NEMP2: variants seen among roughly 807,000 people sequenced by gnomAD.
NEMP2 encodes nuclear envelope integral membrane protein 2, also known as UPF0571 transmembrane protein.
NEMP2 carries 53 observed loss-of-function variants against 54.2 expected under a neutral mutation model. The observed-to-expected ratio is 0.98, with a 90% CI of 0.78 to 1.23. The LOEUF (loss-of-function observed/expected upper bound fraction) is 1.23, where lower values mean the gene tolerates loss of function less well. Among genes scored for constraint, NEMP2 ranks in the 50% most tolerant of loss-of-function variants. The pLI is 0.00. For synonymous variants in NEMP2, 197 were observed against 190.3 expected, an observed-to-expected ratio of 1.04 and a Z score of -0.29; for missense variants, 455 against 511.3, an observed-to-expected ratio of 0.89 and a Z score of 1.06.
At chr2:190,572,390 GT>G in the NEMP2 span, among the ~76,000 whole-genome samples, 3 of 152,042 alleles carry the variant, frequency 2.0e-5, no homozygotes, top group African/African-American at 4.8e-5. Flanking sequence ...GCCTCAACAA[GT>G]TTTTTTCTGG....
At chr2:190,537,013 G>A (rs1438824026), upstream of NEMP2, among the ~76,000 whole-genome samples, 2 of 152,156 alleles carry the variant, frequency 1.3e-5, no homozygotes, top group African/African-American at 4.8e-5. Context: ...AAAAAGCAGA[G>A]AGGAGAAAAA....
the NEMP2 span, among the ~76,000 whole-genome samples, chr2:190,429,121 G>T: frequency 6.6e-6 from 1 of 151,824 alleles, no homozygotes; most frequent in Non-Finnish European, 1.5e-5. Context: ...GCCTATTCAA[G>T]CTTTTTGCTT....
chr2:190,579,511 T>C, the NEMP2 span, among the ~76,000 whole-genome samples: 1 of 152,158 alleles, frequency 6.6e-6, no homozygotes, highest in African/African-American at 2.4e-5. Context: ...ATGTTATGAT[T>C]CTAGGACTAT....
the NEMP2 span, among the ~76,000 whole-genome samples, chr2:190,492,715 G>A: frequency 6.6e-6 from 1 of 151,982 alleles, no homozygotes; most frequent in African/African-American, 2.4e-5. This position sits in a 1 kb window ranked among gnomAD's most constrained non-coding sequence, Gnocchi z 5.2. Flanking sequence ...CATAAATAAA[G>A]GAAAGATACA....
At chr2:190,621,112 T>C in the NEMP2 span, among the ~76,000 whole-genome samples, 8 of 152,350 alleles carry the variant, frequency 5.3e-5, no homozygotes, top group African/African-American at 1.9e-4. Flanking sequence ...AAAGAAGATC[T>C]ACATATAGTC....
At chr2:190,593,795 C>T in the NEMP2 span, among the ~76,000 whole-genome samples, 2 of 152,140 alleles carry the variant, frequency 1.3e-5, no homozygotes, top group African/African-American at 4.8e-5. This position sits in a 1 kb window ranked among gnomAD's most constrained non-coding sequence, Gnocchi z 4.5. Context: ...GGTATTTTTC[C>T]AATTTTAAAG....
At chr2:190,503,510 G>A (rs777246246), downstream of NEMP2, among the ~76,000 whole-genome samples, 2 of 152,166 alleles carry the variant, frequency 1.3e-5, no homozygotes, top group Non-Finnish European at 2.9e-5. This position sits in a 1 kb window ranked among gnomAD's most constrained non-coding sequence, Gnocchi z 6.3. Context: ...AGATCCTTTC[G>A]GGAGATCTCT....
chr2:190,586,915 G>A, the NEMP2 span, among the ~76,000 whole-genome samples: 1 of 152,152 alleles, frequency 6.6e-6, no homozygotes, highest in African/African-American at 2.4e-5. The surrounding 1 kb of genome is among the most constrained non-coding windows in gnomAD (Gnocchi z 4.5). Context: ...TCCTGAGGTA[G>A]AAATTTTCGG....
chr2:190,640,163 T>C, the NEMP2 span, among the ~76,000 whole-genome samples: 1 of 152,196 alleles, frequency 6.6e-6, no homozygotes. Context: ...TATTCCATCA[T>C]ATAGATATCT....
rs568692644 is a variant in NEMP2, at chr2:190,534,552, G to C, written c.97+7C>G. 3.4e-5 allele frequency: 47 copies of C among 1,402,458 alleles called. No individual in the cohort carries two copies. The African/African-American group carries it at 6.2e-4, about 18-fold the overall frequency. The allele number at this position is 1,402,458 out of a possible 1,614,324, so 86.9% of individuals were successfully genotyped here. Reference sequence around the variant, plus strand: ...CGCGCGCGCCGCCGCCGCCGGTCCCGGGTTACCTGATAACGCTGCCGCCGC... The same window carrying C: ...CGCGCGCGCCGCCGCCGCCGGTCCCCGGTTACCTGATAACGCTGCCGCCGC... On this transcript the variant is annotated splice_region_variant and intron_variant, in intron 1 of 8. Coordinates refer to ENST00000409150, the MANE Select transcript of NEMP2 (RefSeq NM_001142645.2).
chr2:190,555,417 G>C, the NEMP2 span, among the ~76,000 whole-genome samples: 5 of 151,882 alleles, frequency 3.3e-5, no homozygotes, highest in Non-Finnish European at 1.5e-5. This position sits in a 1 kb window ranked among gnomAD's most constrained non-coding sequence, Gnocchi z 4.8. Context: ...GAAGCGAATA[G>C]CCTTGAAAAA....
the NEMP2 span, among the ~76,000 whole-genome samples, chr2:190,635,158 C>T: frequency 6.6e-6 from 1 of 152,206 alleles, no homozygotes; most frequent in Non-Finnish European, 1.5e-5. This position sits in a 1 kb window ranked among gnomAD's most constrained non-coding sequence, Gnocchi z 4.1. Context: ...TTGTTTCCCA[C>T]ACAACAATAG....
chr2:190,457,021 C>T, the NEMP2 span, among the ~76,000 whole-genome samples: 16 of 152,252 alleles, frequency 1.1e-4, no homozygotes, highest in South Asian at 4.2e-4. This position sits in a 1 kb window ranked among gnomAD's most constrained non-coding sequence, Gnocchi z 5.1. Flanking sequence ...TTCCTTAATC[C>T]GCGCGCACAG....
chr2:190,608,044 G>C, the NEMP2 span: 1 of 152,172 alleles, frequency 6.6e-6, no homozygotes, highest in Non-Finnish European at 1.5e-5. The surrounding 1 kb of genome is among the most constrained non-coding windows in gnomAD (Gnocchi z 4.9). Flanking sequence ...GTTTTAAATT[G>C]TGTGACGTTC....
chr2:190,425,810 T>G, the NEMP2 span, among the ~76,000 whole-genome samples: 1 of 152,144 alleles, frequency 6.6e-6, no homozygotes, highest in African/African-American at 2.4e-5. This position sits in a 1 kb window ranked among gnomAD's most constrained non-coding sequence, Gnocchi z 4.3. Flanking sequence ...AGTTTTCTGT[T>G]TTTTTGGACA....
the NEMP2 span, among the ~76,000 whole-genome samples, chr2:190,447,775 C>T: frequency 6.6e-6 from 1 of 152,184 alleles, no homozygotes; most frequent in African/African-American, 2.4e-5. This position sits in a 1 kb window ranked among gnomAD's most constrained non-coding sequence, Gnocchi z 4.5. Flanking sequence ...CTCATTATCA[C>T]ATTGTAAGCT....
the NEMP2 span, among the ~76,000 whole-genome samples, chr2:190,542,064 A>C: frequency 6.6e-6 from 1 of 152,138 alleles, no homozygotes; most frequent in Non-Finnish European, 1.5e-5. This position sits in a 1 kb window ranked among gnomAD's most constrained non-coding sequence, Gnocchi z 4.6. Context: ...AGTCTTACTA[A>C]GGTTAAATCT....
the NEMP2 span, among the ~76,000 whole-genome samples, chr2:190,432,738 C>A: frequency 1.3e-5 from 2 of 152,068 alleles, no homozygotes; most frequent in South Asian, 2.1e-4. Flanking sequence ...GTTTTACTTT[C>A]CAGAGGAAAA....
chr2:190,541,187 T>TAG, the NEMP2 span, among the ~76,000 whole-genome samples: 1 of 151,562 alleles, frequency 6.6e-6, no homozygotes, highest in Admixed American at 6.6e-5. This position sits in a 1 kb window ranked among gnomAD's most constrained non-coding sequence, Gnocchi z 5.2. Flanking sequence ...TGTGTATATA[T>TAG]ATATATATTT....
Sources: gnomAD v4.1 joint callset for allele counts (sites outside exome capture counted in the v4.1 genomes callset) on GRCh38, gnomAD v4.1.1 for gene constraint, Gnocchi (gnomAD v3.1) non-coding constraint, MANE v1.5 for transcripts, NCBI Gene and HGNC (gene_info 2026-07-23, HGNC 2026-07-21) for gene names.